Variants in TBCK observed in about 807,000 individuals in gnomAD.
TBCK encodes the protein TBC domain-containing protein kinase-like protein.
In TBCK, 99 loss-of-function variants were observed where a neutral mutation model predicts 113.4. The ratio of observed to expected loss-of-function variants is 0.87; its 90% confidence interval spans 0.74 to 1.03. The LOEUF (loss-of-function observed/expected upper bound fraction) is 1.03, where lower values mean the gene tolerates loss of function less well. TBCK is among the 50% of genes least tolerant of loss of function. The pLI is 0.00. For synonymous variants in TBCK, 369 were observed against 370.8 expected (o/e 1.00, Z 0.05); for missense variants, 1,045 against 1,061.3 (o/e 0.98, Z 0.21).
At chr4:106,154,746 T>C (rs1029812854) in intron 23 of TBCK, among the ~76,000 whole-genome samples, 6 of 152,144 alleles carry the variant, frequency 3.9e-5, no homozygotes, top group African/African-American at 1.2e-4. Flanking sequence ...TCCTGTACAG[T>C]GGAACTGTGA....
intron 12 of TBCK, among the ~76,000 whole-genome samples, chr4:106,238,195 G>A (rs1363236885): frequency 6.6e-6 from 1 of 151,988 alleles, no homozygotes; most frequent in African/African-American, 2.4e-5. Flanking sequence ...GTAATTTATT[G>A]TTCGCTGCAG....
intron 23 of TBCK, among the ~76,000 whole-genome samples, chr4:106,127,832 T>C (rs1426202681): frequency 6.6e-6 from 1 of 152,162 alleles, no homozygotes; most frequent in Non-Finnish European, 1.5e-5. Context: ...TTTCAAAGTA[T>C]AGGGAATTCT....
At chr4:106,119,770 G>A (rs1192896694) in intron 23 of TBCK, among the ~76,000 whole-genome samples, 1 of 152,138 alleles carries the variant, frequency 6.6e-6, no homozygotes, top group Non-Finnish European at 1.5e-5. Context: ...CATCAGACAA[G>A]GGATTAATAA....
intron 3 of TBCK, among the ~76,000 whole-genome samples, chr4:106,283,166 C>G (rs1414419579): frequency 6.6e-6 from 1 of 151,990 alleles, no homozygotes; most frequent in Non-Finnish European, 1.5e-5. Context: ...ATTCAAACTC[C>G]ATGACTAACC....
chr4:106,057,216 T>G (rs1347969941), intron 25 of TBCK, among the ~76,000 whole-genome samples: 3 of 151,656 alleles, frequency 2.0e-5, no homozygotes, highest in Non-Finnish European at 4.4e-5. Context: ...AGTGAGAGAC[T>G]GAAAGCTTAA....
chr4:106,056,315 G>C (rs1328191795), intron 25 of TBCK, among the ~76,000 whole-genome samples: 1 of 143,886 alleles, frequency 6.9e-6, no homozygotes, highest in Non-Finnish European at 1.5e-5. Context: ...TTGTTGCCCA[G>C]ACTGGTATCG....
At chr4:106,047,124 G>A (rs1735020563) in intron 25 of TBCK, among the ~76,000 whole-genome samples, 1 of 151,986 alleles carries the variant, frequency 6.6e-6, no homozygotes, top group Non-Finnish European at 1.5e-5. Context: ...CCACTTCAAT[G>A]TCCCACAGAG....
chr4:106,129,759 G>A (rs914370363), intron 23 of TBCK, among the ~76,000 whole-genome samples: 4 of 152,172 alleles, frequency 2.6e-5, no homozygotes, highest in Non-Finnish European at 4.4e-5. Context: ...AAGTATTCTG[G>A]TTATCTTCTG....
chr4:106,147,825 T>C, intron 23 of TBCK, among the ~76,000 whole-genome samples: 1 of 152,202 alleles, frequency 6.6e-6, no homozygotes, highest in Non-Finnish European at 1.5e-5. Context: ...GAGATAACCT[T>C]AAACTCTGAC....
chr4:106,156,201 T>C (rs1366347243), intron 23 of TBCK, among the ~76,000 whole-genome samples: 3 of 152,140 alleles, frequency 2.0e-5, no homozygotes, highest in Non-Finnish European at 4.4e-5. Context: ...TTCTTTCCCC[T>C]TACTTTCTCC....
intron 23 of TBCK, among the ~76,000 whole-genome samples, chr4:106,118,483 T>C (rs1028351657): frequency 1.3e-5 from 2 of 152,208 alleles, no homozygotes; most frequent in Non-Finnish European, 2.9e-5. Flanking sequence ...CATCCTGAAA[T>C]TAAAAGTGCT....
At chr4:106,287,296 A>G (rs1490305496) in intron 3 of TBCK, among the ~76,000 whole-genome samples, 1 of 152,182 alleles carries the variant, frequency 6.6e-6, no homozygotes, top group Non-Finnish European at 1.5e-5. Flanking sequence ...AAATACTTTA[A>G]ACAAATATGA....
chr4:106,177,872 T>G (rs1389007030), intron 22 of TBCK, among the ~76,000 whole-genome samples: 1 of 151,976 alleles, frequency 6.6e-6, no homozygotes, highest in East Asian at 1.9e-4. Flanking sequence ...AGAGTGTCAT[T>G]GGTATTTTGA....
At chr4:106,316,343 A>T, upstream of TBCK, 4 of 572,938 alleles carry the variant, frequency 7.0e-6, no homozygotes, top group Non-Finnish European at 1.3e-5. Flanking sequence ...AGAGAGAAAG[A>T]GGTGCGGGGG....
At chr4:106,212,003 T>C (rs75521141) in intron 20 of TBCK, among the ~76,000 whole-genome samples, 2 of 152,144 alleles carry the variant, frequency 1.3e-5, no homozygotes, top group African/African-American at 2.4e-5. Context: ...AGCTTAACTT[T>C]TGAATGAATA....
intron 23 of TBCK, among the ~76,000 whole-genome samples, chr4:106,124,856 T>TG: frequency 7.0e-6 from 1 of 142,668 alleles, no homozygotes; most frequent in East Asian, 2.0e-4. Flanking sequence ...TGTTGTGGGC[T>TG]GGGGGGAGGG....
chr4:106,248,446 A>G (rs1471810857), intron 8 of TBCK, 140 bp from the exon 9 acceptor site: 1 of 583,770 alleles, frequency 1.7e-6, no homozygotes, highest in African/African-American at 2.0e-5. Flanking sequence ...TCACTGTGAA[A>G]AAGCAAATAC....
chr4:106,210,679 T>C (rs1189310575), intron 20 of TBCK, among the ~76,000 whole-genome samples: 2 of 152,192 alleles, frequency 1.3e-5, no homozygotes, highest in African/African-American at 4.8e-5. Context: ...TTTATATATA[T>C]TTAAGTAACT....
chr4:106,243,524 G>A (rs746380419), intron 11 of TBCK, among the ~76,000 whole-genome samples: 5 of 151,474 alleles, frequency 3.3e-5, no homozygotes, highest in Admixed American at 1.3e-4. Context: ...ATGTATGAAT[G>A]GTATAATCAA....
Sources: allele counts gnomAD v4.1 joint callset (sites outside exome capture counted in the v4.1 genomes callset), GRCh38; gene constraint gnomAD v4.1.1; transcripts MANE v1.5; gene names NCBI Gene and HGNC (gene_info 2026-07-23, HGNC 2026-07-21).